Variants in PHRF1 observed in about 807,000 individuals in gnomAD.
PHRF1 encodes PHD and ring finger domains 1, also known as PHD and RING finger domain-containing protein 1.
Under a neutral mutation model 128.9 loss-of-function variants are expected in PHRF1, and 53 were observed. The ratio of observed to expected loss-of-function variants is 0.41; its 90% CI spans 0.33 to 0.52. PHRF1 has a LOEUF of 0.52. Ranked by LOEUF, PHRF1 falls within the 20% of genes least tolerant of loss-of-function variation. PHRF1 has a pLI of 0.21. For synonymous variants in PHRF1, 1,178 were observed against 980.6 expected, an observed-to-expected ratio of 1.20 and a Z score of -3.76; for missense variants, 2,503 against 2,284.5, an observed-to-expected ratio of 1.10 and a Z score of -1.95.
At position 606,489 on chromosome 11, in the gene PHRF1, C is replaced by T. The variant is rs760158123; in HGVS notation, c.1502C>T (p.Pro501Leu). 1 of 1,598,690 alleles carries T rather than the reference C, an allele frequency of 6.3e-7. No individual in the cohort carries two copies. Among genetic ancestry groups the T allele is most frequent in the South Asian group, 1.1e-5 (1 of 88,814 alleles). Reference sequence around the variant, plus strand: ...CCAGAGCCAGACTTGGAGGAGGAGCCAGTGCCTGACCTGCTGGGCAGCATC... The same window carrying T: ...CCAGAGCCAGACTTGGAGGAGGAGCTAGTGCCTGACCTGCTGGGCAGCATC... ...AVPEPDLEEE[P>L]VPDLLGSILS... Residue 501 changes from proline (P) to leucine (L), a missense_variant, in exon 13 of 18, where the codon CCA becomes CTA. Coordinates refer to ENST00000264555, the MANE Select transcript of PHRF1 (RefSeq NM_001286581.2).
chr11:605,578 C>A, intron 11 of PHRF1, 27 bp from the exon 12 acceptor site: 1 of 1,608,668 alleles, frequency 6.2e-7, no homozygotes, highest in South Asian at 1.1e-5. Flanking sequence ...GTCACTTGTT[C>A]CCTTTGGCCT....
At position 607,378 on chromosome 11, in the gene PHRF1, C is replaced by A. The variant is rs772002124; in HGVS notation, c.1922C>A (p.Pro641His). 2 of 1,612,830 alleles carry A rather than the reference C, an allele frequency of 1.2e-6. No homozygotes were observed. The highest frequency in any genetic ancestry group is 1.7e-6 in the Non-Finnish European group (2 of 1,179,892). Reference protein sequence around the residue: ...WFNGTNKHTLPLASAASKISS... With the variant: ...WFNGTNKHTLHLASAASKISS... ...AACGGCACCAACAAGCACACCTTGC[C>A]CCTTGCCTCTGCCGCGTCTAAGATC... is the stretch of plus-strand genomic sequence containing the variant. The change falls in exon 14 of 18, where the codon CCC becomes CAC. Residue 641 changes from proline (P) to histidine (H), a missense_variant. Coordinates refer to ENST00000264555, the MANE Select transcript of PHRF1 (RefSeq NM_001286581.2).
Position 601,594 on chromosome 11 carries a change from G to C in PHRF1, c.1045G>C (p.Gly349Arg), listed in dbSNP as rs768116476. 2 of 1,613,742 alleles carry C rather than the reference G, an allele frequency of 1.2e-6. No individual in the cohort carries two copies. The highest frequency in any genetic ancestry group is 2.2e-5 in the South Asian group (2 of 91,086). Residue 349 changes from glycine (G) to arginine (R), a missense_variant, in exon 10 of 18, where the codon GGA (glycine) becomes CGA (arginine). Transcript: ENST00000264555. Reference sequence around the variant, plus strand: ...CTTAGGAAGACGGAAGAAAGTGCCGGGAAGAAAGAAAACCCCGTCCGGACC... The same window carrying C: ...CTTAGGAAGACGGAAGAAAGTGCCGCGAAGAAAGAAAACCCCGTCCGGACC... Reference protein sequence around the residue: ...RKTRRRKKVPGRKKTPSGPSA... With the variant: ...RKTRRRKKVPRRKKTPSGPSA...
Position 597,144 on chromosome 11 carries a change from G to A in PHRF1, c.718+124G>A. On this transcript the variant is annotated intron_variant, in intron 7 of 17. Transcript: ENST00000264555. This position sits in a 1 kb window ranked among gnomAD's most constrained non-coding sequence, Gnocchi z 6.5. ...CTAGGGCTGTCTCATGGGGGTTAGG[G>A]TTGGCTGCGGTGTCGGGAGGACATC... The A allele has an allele frequency of 1.8e-6, 2 of 1,091,714 alleles. No individual in the cohort carries two copies. Among genetic ancestry groups the A allele is most frequent in the Non-Finnish European group, 1.3e-6 (1 of 756,784 alleles). 67.6% of individuals were successfully genotyped at this position (1,091,714 alleles called of 1,614,324 possible). A position where few individuals can be genotyped will look rare whatever the true frequency, so the allele number is the denominator to read the frequency against.
intron 9 of PHRF1, among the ~76,000 whole-genome samples, chr11:600,965 C>CA (rs978625153): frequency 6.6e-6 from 1 of 151,884 alleles, no homozygotes; most frequent in African/African-American, 2.4e-5. Context: ...GACTCCGTCT[C>CA]AAAAAAACAA....
chr11:585,640 G>A lies in PHRF1; in HGVS notation c.215-1619G>A, dbSNP rs75143012. Among the ~76,000 whole-genome samples, 386 of 62,516 alleles carry A rather than the reference G, an allele frequency of 6.2e-3. 105 individuals carry two copies. Among genetic ancestry groups the A allele is most frequent in the East Asian group, 0.012 (21 of 1,686 alleles). The allele number at this position is 62,516 out of a possible 152,430, so 41.0% of individuals were successfully genotyped here. On this transcript the variant is annotated intron_variant, in intron 3 of 17. Coordinates refer to ENST00000264555, the MANE Select transcript of PHRF1 (RefSeq NM_001286581.2). ...AGGTAGTAGCCCTTTCCAGCTTGAG[G>A]TAGTAGCCCTTTCCAGCTTGAGGTA...
intron 1 of PHRF1, 108 bp downstream of exon 1, chr11:576,700 G>T (rs973452412): frequency 6.8e-6 from 1 of 147,392 alleles, no homozygotes; most frequent in Non-Finnish European, 1.5e-5. Context: ...GGCGAGGCCT[G>T]CGCCGCGCTG....
At position 612,208 on chromosome 11, in the gene PHRF1, C is replaced by T; in HGVS notation, c.*431C>T. 1 of 299,926 alleles carries T rather than the reference C, an allele frequency of 3.3e-6. No homozygotes were observed. The highest frequency in any genetic ancestry group is 6.2e-6 in the Non-Finnish European group (1 of 160,242). 18.6% of individuals were successfully genotyped at this position (299,926 alleles called of 1,614,324 possible). A position where few individuals can be genotyped will look rare whatever the true frequency, so the allele number is the denominator to read the frequency against. ...TGGCTCTGAATTAGGAATATCTTTA[C>T]TTTCTCTTTTCCAATTATGTTGTGC... On this transcript the variant is annotated 3_prime_UTR_variant, in exon 18 of 18. Transcript: ENST00000264555.
At chr11:577,186 G>C (rs1448374067) in intron 1 of PHRF1, among the ~76,000 whole-genome samples, 2 of 152,204 alleles carry the variant, frequency 1.3e-5, no homozygotes, top group Non-Finnish European at 2.9e-5. Context: ...GAGCCTCTCA[G>C]GTGTAGGTAT....
In PHRF1 at chr11:598,443, C is replaced by T. The variant is rs760345922; in HGVS notation, c.965C>T (p.Thr322Ile). 5 of 1,611,226 alleles carry T rather than the reference C, an allele frequency of 3.1e-6. No individual in the cohort carries two copies. In the African/African-American group the frequency reaches 5.3e-5, roughly 17 times the overall value. ...GAGGCTGTGGCGACTGGCCTGAGCA[C>T]TGCCGTGTATCAGCGCCCCCTGACG... ...AIEAVATGLSTAVYQRPLTPR... is the reference protein window; with the variant it reads ...AIEAVATGLSIAVYQRPLTPR... The change falls in exon 9 of 18, where the codon ACT (threonine) becomes ATT (isoleucine). Residue 322 changes from threonine to isoleucine, a missense_variant. Coordinates refer to ENST00000264555, the MANE Select transcript of PHRF1 (RefSeq NM_001286581.2).
At chr11:578,875 TGA>T (rs1854042119) in intron 1 of PHRF1, among the ~76,000 whole-genome samples, 2 of 151,878 alleles carry the variant, frequency 1.3e-5, no homozygotes, top group Non-Finnish European at 2.9e-5. Flanking sequence ...TTTTTGAGAC[TGA>T]GTCTCACTCT....
At chr11:603,292 G>A (rs934777570) in intron 10 of PHRF1, among the ~76,000 whole-genome samples, 1 of 152,164 alleles carries the variant, frequency 6.6e-6, no homozygotes, top group African/African-American at 2.4e-5. Context: ...CCGGGCTTAA[G>A]CAGTTTGTCA....
chr11:611,740 C>T lies in PHRF1; in HGVS notation c.4913C>T (p.Ala1638Val), dbSNP rs73398389. The change falls in exon 18 of 18, where the codon GCC becomes GTC. Residue 1638 changes from alanine to valine, a missense_variant. Ala to Val is a moderately conservative substitution (Grantham distance 64). Coordinates refer to ENST00000264555, the MANE Select transcript of PHRF1 (RefSeq NM_001286581.2). ...RHMRRHKKPE[A>V]GEEPPTQGAE... ...ATGCGCAGGCACAAGAAACCAGAGG[C>T]CGGGGAGGAGCCGCCCACGCAGGGG... 3.3e-4 allele frequency: 534 copies of T among 1,611,648 alleles called. 5 individuals carry two copies. In the African/African-American group the frequency reaches 6.1e-3, roughly 18 times the overall value.
Position 607,068 on chromosome 11 carries a change from CCA to C in PHRF1, c.1613_1614del (p.Pro538ArgfsTer110), listed in dbSNP as rs772815459. 1 of 1,551,422 alleles carries C rather than the reference CCA, an allele frequency of 6.4e-7. No individual in the cohort carries two copies. The highest frequency in any genetic ancestry group is 1.4e-5 in the African/African-American group (1 of 72,068). On this transcript the variant is annotated frameshift_variant, in exon 14 of 18. Coordinates refer to ENST00000264555, the MANE Select transcript of PHRF1 (RefSeq NM_001286581.2). LOFTEE classifies it high-confidence loss of function. ...CCATTGACTTTTTTGTTTTTTAGCT[CCA>C]GTTTCTTTTCAGCGAAACTCAGGCA... Reference protein sequence around the residue: ...DGSLSAKRAAPVSFQRNSGSL... With the variant: ...DGSLSAKRAAXVSFQRNSGSL...
At chr11:583,274 G>A (rs1027751235) in intron 3 of PHRF1, among the ~76,000 whole-genome samples, 6 of 152,042 alleles carry the variant, frequency 3.9e-5, no homozygotes, top group African/African-American at 1.4e-4. Context: ...GGGAGTCGGA[G>A]GTTGCAGTGA....
chr11:606,831 C>A, intron 13 of PHRF1: 1 of 873,152 alleles, frequency 1.1e-6, no homozygotes, highest in Non-Finnish European at 1.7e-6. Flanking sequence ...GGGGTACTGC[C>A]CCCGCCCCTG....
At position 606,718 on chromosome 11, in the gene PHRF1, C is replaced by T. The variant is rs1439286657; in HGVS notation, c.1609+122C>T. On this transcript the variant is annotated intron_variant, in intron 13 of 17. Coordinates refer to ENST00000264555, the MANE Select transcript of PHRF1 (RefSeq NM_001286581.2). Reference sequence around the variant, plus strand: ...AGCTGAAGTTGGGGGGACCATTCCTCAGCCATTTTTCTGCATTGATTTCCC... The same window carrying T: ...AGCTGAAGTTGGGGGGACCATTCCTTAGCCATTTTTCTGCATTGATTTCCC... 1.3e-5 allele frequency: 17 copies of T among 1,357,648 alleles called. No individual in the cohort carries two copies. In the East Asian group the frequency reaches 4.3e-4, roughly 34 times the overall value. The allele number at this position is 1,357,648 out of a possible 1,614,324, so 84.1% of individuals were successfully genotyped here. A position where few individuals can be genotyped will look rare whatever the true frequency, so the allele number is the denominator to read the frequency against.
At chr11:588,864 G>A (rs1854750499) in intron 4 of PHRF1, among the ~76,000 whole-genome samples, 1 of 152,116 alleles carries the variant, frequency 6.6e-6, no homozygotes, top group African/African-American at 2.4e-5. Flanking sequence ...GGAACCGGGT[G>A]CAGTGGCTCA....
intron 1 of PHRF1, among the ~76,000 whole-genome samples, chr11:578,940 G>A (rs1370284693): frequency 1.3e-5 from 2 of 151,872 alleles, no homozygotes; most frequent in Non-Finnish European, 2.9e-5. Flanking sequence ...ACCTCCGCCT[G>A]CCAGGTTCAA....
Sources: gnomAD v4.1 joint callset for allele counts (sites outside exome capture counted in the v4.1 genomes callset) on GRCh38, gnomAD v4.1.1 for gene constraint, Gnocchi (gnomAD v3.1) non-coding constraint, MANE v1.5 for transcripts, NCBI Gene and HGNC (gene_info 2026-07-23, HGNC 2026-07-21) for gene names.